NRXN3: variants seen among roughly 807,000 people sequenced by gnomAD.
NRXN3 encodes the protein neurexin 3, also known as neurexin III.
A neutral mutation model predicts 137.6 loss-of-function variants in NRXN3; 32 were observed. The ratio of observed to expected loss-of-function variants is 0.23; its 90% CI spans 0.18 to 0.31. NRXN3 has a LOEUF of 0.31. Ranked by LOEUF, NRXN3 falls within the 10% of genes least tolerant of loss-of-function variation. The pLI, the probability that NRXN3 is intolerant of heterozygous loss-of-function variation, is 1.00. For synonymous variants in NRXN3, 798 were observed against 784.5 expected (o/e 1.02, Z -0.29); for missense variants, 1,574 against 2,062.5 (o/e 0.76, Z 4.59).
At chr14:79,526,618 T>C (rs999807745) in intron 16 of NRXN3, among the ~76,000 whole-genome samples, 7 of 152,154 alleles carry the variant, frequency 4.6e-5, no homozygotes, top group Admixed American at 3.9e-4. Flanking sequence ...CAAATATTTA[T>C]TAGCTGCATA....
At chr14:79,791,137 A>T (rs957312975) in intron 19 of NRXN3, 2 of 152,154 alleles carry the variant, frequency 1.3e-5, no homozygotes, top group African/African-American at 4.8e-5. Context: ...TGGGCATTGT[A>T]ATCACGGTGG....
intron 15 of NRXN3, among the ~76,000 whole-genome samples, chr14:79,369,292 C>T (rs1325780495): frequency 6.6e-6 from 1 of 152,094 alleles, no homozygotes; most frequent in African/African-American, 2.4e-5. Context: ...ATGAATTCTT[C>T]CGTCCATTCT....
At chr14:79,411,712 T>C (rs1174279638) in intron 15 of NRXN3, among the ~76,000 whole-genome samples, 28 of 152,212 alleles carry the variant, frequency 1.8e-4, no homozygotes, top group Admixed American at 1.8e-3. Flanking sequence ...CTAGTGCTTT[T>C]CTCATTTATC....
chr14:79,546,779 T>A (rs1567459944), intron 16 of NRXN3, among the ~76,000 whole-genome samples: 1 of 152,186 alleles, frequency 6.6e-6, no homozygotes, highest in Non-Finnish European at 1.5e-5. Flanking sequence ...TCAAGTCATT[T>A]TCCATCTATA....
At chr14:79,667,043 C>T (rs996067001) in intron 17 of NRXN3, among the ~76,000 whole-genome samples, 2 of 151,772 alleles carry the variant, frequency 1.3e-5, no homozygotes, top group Non-Finnish European at 2.9e-5. Flanking sequence ...TCTCTGCTTC[C>T]CTGTGCTATT....
intron 10 of NRXN3, among the ~76,000 whole-genome samples, chr14:78,850,791 C>T (rs1457718745): frequency 6.6e-6 from 1 of 151,946 alleles, no homozygotes; most frequent in Non-Finnish European, 1.5e-5. Flanking sequence ...GGTAAACAAA[C>T]CTCTTATGAA....
At chr14:79,212,830 T>C (rs2067888958) in intron 15 of NRXN3, among the ~76,000 whole-genome samples, 1 of 151,908 alleles carries the variant, frequency 6.6e-6, no homozygotes, top group African/African-American at 2.4e-5. Flanking sequence ...AGACATATAG[T>C]ATACAACATT....
In NRXN3 at chr14:79,590,925, C is replaced by A. The variant is rs1040101049; in HGVS notation, c.3445-72853C>A. On this transcript the variant is annotated intron_variant, in intron 16 of 20. Transcript: ENST00000335750. Reference sequence around the variant, plus strand: ...TATGCTGTCTCTCAAGCCCTACCATCCCCTCCATCTTTCTAAGGTCTCTCA... The same window carrying A: ...TATGCTGTCTCTCAAGCCCTACCATACCCTCCATCTTTCTAAGGTCTCTCA... 2.0e-5 allele frequency among the ~76,000 whole-genome samples: 3 copies of A among 152,198 alleles called. No individual in the cohort carries two copies. The East Asian group carries it at 5.8e-4, about 29-fold the overall frequency.
At chr14:79,828,227 G>A (rs552027635) in intron 20 of NRXN3, among the ~76,000 whole-genome samples, 3 of 152,278 alleles carry the variant, frequency 2.0e-5, no homozygotes, top group Admixed American at 6.5e-5. Context: ...TGAATTCTCC[G>A]ATCCTGTACT....
intron 4 of NRXN3, among the ~76,000 whole-genome samples, chr14:78,381,610 G>T (rs1318736863): frequency 6.6e-6 from 1 of 152,118 alleles, no homozygotes; most frequent in Non-Finnish European, 1.5e-5. Flanking sequence ...ACAAAATCGT[G>T]TACACAAAAT....
At chr14:79,065,617 G>T (rs925525750) in intron 15 of NRXN3, among the ~76,000 whole-genome samples, 1 of 152,100 alleles carries the variant, frequency 6.6e-6, no homozygotes. Flanking sequence ...TGAGATAAAG[G>T]TGCTGGCGGG....
intron 16 of NRXN3, among the ~76,000 whole-genome samples, chr14:79,508,945 A>C (rs2096906061): frequency 6.6e-6 from 1 of 152,146 alleles, no homozygotes; most frequent in East Asian, 2.0e-4. Context: ...TAATCACAGC[A>C]CTTTGGGAGG....
At chr14:79,699,380 C>T (rs766584547) in intron 19 of NRXN3, among the ~76,000 whole-genome samples, 1 of 152,050 alleles carries the variant, frequency 6.6e-6, no homozygotes, top group Non-Finnish European at 1.5e-5. Context: ...TGTTTTGTTT[C>T]TGTCAGAATG....
chr14:78,473,418 A>G (rs1720748438), intron 4 of NRXN3, among the ~76,000 whole-genome samples: 1 of 144,730 alleles, frequency 6.9e-6, no homozygotes, highest in African/African-American at 2.6e-5. Context: ...AAAAAAAAAA[A>G]TGAAAAACCT....
rs574828399 is a variant in NRXN3, at chr14:79,188,782, A to G, written c.3262+200641A>G. The stretch of plus-strand genomic sequence containing the variant: ...ATTTATGCAGCCAAAAAACACATGA[A>G]AAAGTGCTCACCATCACTGGCCATC... On this transcript the variant is annotated intron_variant, in intron 15 of 20. Transcript: ENST00000335750. 2.0e-5 allele frequency among the ~76,000 whole-genome samples: 3 copies of G among 152,346 alleles called. No individual in the cohort carries two copies. In the East Asian group the frequency reaches 5.8e-4, roughly 29 times the overall value.
intron 1 of NRXN3, among the ~76,000 whole-genome samples, chr14:78,204,543 ATTAC>A (rs1448977279): frequency 3.9e-5 from 6 of 152,222 alleles, no homozygotes; most frequent in Admixed American, 2.0e-4. Context: ...TGGATGGGGA[ATTAC>A]TTAAATTAAT....
chr14:78,668,112 C>T (rs750213089), intron 6 of NRXN3, among the ~76,000 whole-genome samples: 41 of 152,102 alleles, frequency 2.7e-4, no homozygotes, highest in Non-Finnish European at 4.6e-4. Context: ...AGTAACTTTT[C>T]TTCATAGATA....
chr14:79,739,892 T>A (rs2098955152), intron 19 of NRXN3, among the ~76,000 whole-genome samples: 1 of 152,136 alleles, frequency 6.6e-6, no homozygotes, highest in African/African-American at 2.4e-5. Flanking sequence ...TATCCTCCAC[T>A]CTGCATCCTT....
rs146041849 is a variant in NRXN3, at chr14:78,843,123, G to A, written c.2275+32779G>A. 4.5e-3 allele frequency among the ~76,000 whole-genome samples: 689 copies of A among 152,200 alleles called. 2 individuals are homozygous for A. The highest frequency in any genetic ancestry group is 6.3e-3 in the Non-Finnish European group (425 of 67,994). Reference sequence around the variant, plus strand: ...GGTATTGATTGGGGAAGTGATAAGCGTCCATGAAATCTTCACAATTTATGT... The same window carrying A: ...GGTATTGATTGGGGAAGTGATAAGCATCCATGAAATCTTCACAATTTATGT... On this transcript the variant is annotated intron_variant, in intron 10 of 20. Transcript: ENST00000335750.
Sources: allele counts gnomAD v4.1 joint callset (sites outside exome capture counted in the v4.1 genomes callset), GRCh38; gene constraint gnomAD v4.1.1; transcripts MANE v1.5; gene names NCBI Gene and HGNC (gene_info 2026-07-23, HGNC 2026-07-21).